MAML3: variants seen among roughly 807,000 people sequenced by gnomAD.
MAML3 encodes mastermind-like protein 3.
A neutral mutation model predicts 101.9 loss-of-function variants in MAML3; 27 were observed. The observed-to-expected ratio is 0.27, with a 90% CI of 0.20 to 0.37. The LOEUF is 0.37. Among genes scored for constraint, MAML3 ranks in the 10% least tolerant of loss-of-function variants. The probability of loss-of-function intolerance (pLI) is 1.00; values close to 1 mark genes in which losing one functional copy is unlikely to be tolerated. For missense variants in MAML3, 1,316 were observed against 1,444.9 expected (o/e 0.91, Z 1.45); for synonymous variants, 501 against 555.9 (o/e 0.90, Z 1.39).
intron 1 of MAML3, among the ~76,000 whole-genome samples, chr4:139,943,864 C>CTTT (rs10644498): frequency 0.019 from 1,255 of 65,746 alleles, 88 homozygotes; most frequent in African/African-American, 0.037. Context: ...CTAAAGACAA[C>CTTT]TTTTTTTTTT....
intron 2 of MAML3, among the ~76,000 whole-genome samples, chr4:139,765,556 TGGCC>T (rs1410603060): frequency 6.6e-6 from 1 of 152,250 alleles, no homozygotes; most frequent in Admixed American, 6.5e-5. Context: ...ATTTTAAGGG[TGGCC>T]TTCTTCATTT....
intron 2 of MAML3, among the ~76,000 whole-genome samples, chr4:139,807,473 C>CAACT (rs1730721815): frequency 1.3e-5 from 2 of 152,214 alleles, no homozygotes; most frequent in Non-Finnish European, 2.9e-5. Flanking sequence ...GGCCTGTTAA[C>CAACT]AACTGGCTTG....
intron 2 of MAML3, among the ~76,000 whole-genome samples, chr4:139,736,384 T>C (rs1728947275): frequency 1.3e-5 from 2 of 152,188 alleles, no homozygotes; most frequent in African/African-American, 4.8e-5. Context: ...AGCAGTTTTA[T>C]GTTATTGAGC....
At chr4:139,820,966 G>T (rs1730962425) in intron 2 of MAML3, among the ~76,000 whole-genome samples, 1 of 152,158 alleles carries the variant, frequency 6.6e-6, no homozygotes, top group South Asian at 2.1e-4. Flanking sequence ...CTGCTAAATT[G>T]TTCTATATCC....
At position 139,890,746 on chromosome 4, in the gene MAML3, C is replaced by T. The variant is rs369417459; in HGVS notation, c.690G>A (p.Gln230=). 5 of 1,614,042 alleles carry T rather than the reference C, an allele frequency of 3.1e-6. No homozygotes were observed. Among genetic ancestry groups the T allele is most frequent in the East Asian group, 2.2e-5 (1 of 44,888 alleles). Residue 230 remains glutamine (Q), a synonymous_variant, in exon 2 of 5, where the codon CAG becomes CAA. Transcript: ENST00000509479. This position sits in a 1 kb window ranked among gnomAD's most constrained non-coding sequence, Gnocchi z 4.1. Reference sequence around the variant, plus strand: ...GCCCAGGAGTGTGAGTTCCACTGTTCTGCAAGGGCAAAGAAGGTTTCAGGT... The same window carrying T: ...GCCCAGGAGTGTGAGTTCCACTGTTTTGCAAGGGCAAAGAAGGTTTCAGGT... The part of the protein sequence containing the change: ...QLDLKPSLPL[Q]NSGTHTPGLL...
At chr4:139,820,695 T>C (rs569775545) in intron 2 of MAML3, among the ~76,000 whole-genome samples, 2 of 152,214 alleles carry the variant, frequency 1.3e-5, no homozygotes, top group Non-Finnish European at 2.9e-5. Context: ...CCCTATGTTA[T>C]CAAAAACTCT....
At chr4:140,141,843 G>C (rs1291233184) in intron 1 of MAML3, among the ~76,000 whole-genome samples, 1 of 152,166 alleles carries the variant, frequency 6.6e-6, no homozygotes, top group Non-Finnish European at 1.5e-5. Context: ...GCTGTAATAA[G>C]ATTCAGGGGC....
At chr4:140,043,331 G>A (rs1295195435) in intron 1 of MAML3, among the ~76,000 whole-genome samples, 1 of 152,088 alleles carries the variant, frequency 6.6e-6, no homozygotes, top group Non-Finnish European at 1.5e-5. Context: ...TCCTCATTCA[G>A]TTTCAATCTG....
chr4:140,066,041 T>A (rs1456323573), intron 1 of MAML3, among the ~76,000 whole-genome samples: 1 of 152,252 alleles, frequency 6.6e-6, no homozygotes, highest in East Asian at 1.9e-4. Flanking sequence ...TACTGGTGAC[T>A]GACCCACACA....
chr4:139,763,780 T>C lies in MAML3; in HGVS notation c.2080-33113A>G, dbSNP rs559391813. Among the ~76,000 whole-genome samples, 4 of 152,312 alleles carry C rather than the reference T, an allele frequency of 2.6e-5. No homozygotes were observed. In the East Asian group the frequency reaches 7.7e-4, roughly 29 times the overall value. On this transcript the variant is annotated intron_variant, in intron 2 of 4. Coordinates refer to ENST00000509479, the MANE Select transcript of MAML3 (RefSeq NM_018717.5). Reference sequence around the variant, plus strand: ...GCATGTTCAGAAATTTACGAGCAGCTGTAAAAGTGGAGCTATGGTGGGCAG... The same window carrying C: ...GCATGTTCAGAAATTTACGAGCAGCCGTAAAAGTGGAGCTATGGTGGGCAG...
At chr4:139,844,273 T>C (rs1303678359) in intron 2 of MAML3, among the ~76,000 whole-genome samples, 1 of 152,216 alleles carries the variant, frequency 6.6e-6, no homozygotes, top group African/African-American at 2.4e-5. Flanking sequence ...TAATGAGTAG[T>C]TGCCTAAAGA....
intron 1 of MAML3, among the ~76,000 whole-genome samples, chr4:140,077,468 T>C (rs939347879): frequency 3.3e-5 from 5 of 152,154 alleles, no homozygotes; most frequent in Non-Finnish European, 7.4e-5. Context: ...CCCTTCTCAA[T>C]ACAACATTGA....
intron 1 of MAML3, among the ~76,000 whole-genome samples, chr4:139,894,779 G>A (rs949534277): frequency 6.6e-6 from 1 of 152,094 alleles, no homozygotes; most frequent in Non-Finnish European, 1.5e-5. Flanking sequence ...GCTAGAAAAT[G>A]ATATTATTTA....
intron 1 of MAML3, among the ~76,000 whole-genome samples, chr4:140,143,977 C>G (rs1729016348): frequency 6.6e-6 from 1 of 152,148 alleles, no homozygotes; most frequent in South Asian, 2.1e-4. Flanking sequence ...GAGAGTAATG[C>G]CGCATGTGTA....
chr4:140,108,326 CAT>C (rs1203822222), intron 1 of MAML3, among the ~76,000 whole-genome samples: 1 of 151,906 alleles, frequency 6.6e-6, no homozygotes, highest in African/African-American at 2.4e-5. Flanking sequence ...CTCCCCAGTA[CAT>C]GTCTATTATG....
chr4:140,059,675 A>C (rs778643200), intron 1 of MAML3, among the ~76,000 whole-genome samples: 2 of 152,242 alleles, frequency 1.3e-5, no homozygotes, highest in Non-Finnish European at 2.9e-5. Flanking sequence ...ATAAATTCAT[A>C]TTAGCATATT....
chr4:140,153,353 GA>G lies in MAML3; in HGVS notation c.-27del. The G allele has an allele frequency of 1.3e-6, 2 of 1,541,544 alleles. No homozygotes were observed. The highest frequency in any genetic ancestry group is 1.3e-5 in the South Asian group (1 of 79,186). On this transcript the variant is annotated 5_prime_UTR_variant, in exon 1 of 5. Transcript: ENST00000509479. ...CCTGCTCCCCGGGCACACTATTTTG[GA>G]AGAACTTTTTTTATCCACCCCCCTA...
At chr4:140,137,889 G>A (rs1728920759) in intron 1 of MAML3, among the ~76,000 whole-genome samples, 1 of 152,206 alleles carries the variant, frequency 6.6e-6, no homozygotes, top group African/African-American at 2.4e-5. Context: ...CTGTGCCTCC[G>A]TGGAGGGCAC....
At chr4:140,124,540 C>A (rs547512355) in intron 1 of MAML3, among the ~76,000 whole-genome samples, 1 of 152,066 alleles carries the variant, frequency 6.6e-6, no homozygotes, top group East Asian at 1.9e-4. Context: ...CGTCTGGAGA[C>A]CTTGCACAAG....
Sources: allele counts gnomAD v4.1 joint callset (sites outside exome capture counted in the v4.1 genomes callset), GRCh38; gene constraint gnomAD v4.1.1; non-coding constraint Gnocchi (gnomAD v3.1); transcripts MANE v1.5; gene names NCBI Gene and HGNC (gene_info 2026-07-23, HGNC 2026-07-21).